The following KCNH1 variants were observed in gnomAD, a reference collection of about 807,000 sequenced individuals.
KCNH1 encodes potassium voltage-gated channel subfamily H member 1, also known as voltage-gated delayed rectifier potassium channel KCNH1.
In KCNH1, 27 loss-of-function variants were observed where a neutral mutation model predicts 69.2. The ratio of observed to expected loss-of-function variants is 0.39; its 90% CI spans 0.29 to 0.54. KCNH1 has a LOEUF of 0.54. Ranked by LOEUF, KCNH1 falls within the 20% of genes least tolerant of loss-of-function variation. The pLI is 0.68. For missense variants in KCNH1, 798 were observed against 1,261.6 expected (o/e 0.63, Z 5.57); for synonymous variants, 456 against 487.7 (o/e 0.93, Z 0.86).
intron 6 of KCNH1, among the ~76,000 whole-genome samples, chr1:210,996,765 G>A (rs1276156622): frequency 1.3e-5 from 2 of 152,186 alleles, no homozygotes; most frequent in African/African-American, 4.8e-5. Flanking sequence ...TTACAAGGTC[G>A]GGTACTCCTC....
intron 5 of KCNH1, among the ~76,000 whole-genome samples, chr1:211,026,376 C>CAAAAAAAAAAA (rs34132386): frequency 1.4e-5 from 1 of 72,690 alleles, no homozygotes; most frequent in Non-Finnish European, 3.0e-5. Context: ...GGAGTATAGA[C>CAAAAAAAAAAA]AAAAAAAAAA....
chr1:211,008,647 G>C (rs1689331500), intron 6 of KCNH1, among the ~76,000 whole-genome samples: 1 of 152,230 alleles, frequency 6.6e-6, no homozygotes, highest in South Asian at 2.1e-4. Flanking sequence ...TCAGAATAAT[G>C]GTTATTTCAG....
intron 9 of KCNH1, among the ~76,000 whole-genome samples, chr1:210,782,420 C>T (rs546577952): frequency 6.6e-6 from 1 of 152,086 alleles, no homozygotes; most frequent in Non-Finnish European, 1.5e-5. Context: ...AAGATGGAAC[C>T]TTTATGATTA....
At chr1:210,708,067 C>G (rs17016736) in intron 10 of KCNH1, among the ~76,000 whole-genome samples, 20,354 of 152,218 alleles carry the variant, frequency 0.13, 1,447 homozygotes, top group Middle Eastern at 0.19. Context: ...CATGGAGCAT[C>G]TTGTGTGTTT....
intron 1 of KCNH1, among the ~76,000 whole-genome samples, chr1:211,116,083 C>T (rs897257691): frequency 6.6e-6 from 1 of 152,108 alleles, no homozygotes; most frequent in African/African-American, 2.4e-5. Context: ...CTGCAGTGAG[C>T]TATGAGCATG....
intron 6 of KCNH1, among the ~76,000 whole-genome samples, chr1:210,959,337 A>G (rs1057427902): frequency 1.3e-5 from 2 of 152,164 alleles, no homozygotes; most frequent in Non-Finnish European, 2.9e-5. Flanking sequence ...GTCAGTCCCT[A>G]CTGGGAGGTG....
intron 10 of KCNH1, among the ~76,000 whole-genome samples, chr1:210,770,157 C>A (rs1435276133): frequency 9.1e-6 from 1 of 110,380 alleles, no homozygotes; most frequent in Non-Finnish European, 2.0e-5. Flanking sequence ...ACAATGAGAA[C>A]ACATGGACAC....
At chr1:210,827,284 C>T (rs560785088) in intron 7 of KCNH1, among the ~76,000 whole-genome samples, 1 of 151,910 alleles carries the variant, frequency 6.6e-6, no homozygotes, top group African/African-American at 2.4e-5. Context: ...TGCAGTGAGC[C>T]GAGATTGCGC....
At chr1:210,909,118 T>C (rs1687174867) in intron 7 of KCNH1, among the ~76,000 whole-genome samples, 1 of 152,240 alleles carries the variant, frequency 6.6e-6, no homozygotes, top group Admixed American at 6.5e-5. Flanking sequence ...AATGGAAACA[T>C]TTGTTAGTCT....
intron 1 of KCNH1, among the ~76,000 whole-genome samples, chr1:211,118,128 C>A (rs1691616864): frequency 6.6e-6 from 1 of 152,090 alleles, no homozygotes; most frequent in South Asian, 2.1e-4. Context: ...AATGAGTCAA[C>A]AATAGAAATA....
At chr1:210,840,746 G>A (rs1010818861) in intron 7 of KCNH1, among the ~76,000 whole-genome samples, 1 of 152,112 alleles carries the variant, frequency 6.6e-6, no homozygotes, top group Admixed American at 6.6e-5. Context: ...GCTTTCTGTG[G>A]AAGTTATCAT....
chr1:211,132,926 T>TG (rs1393609176), intron 1 of KCNH1: 9 of 152,300 alleles, frequency 5.9e-5, no homozygotes, highest in Admixed American at 3.9e-4. Context: ...AGTGCTTAGT[T>TG]GGGGTCTCTC....
intron 6 of KCNH1, among the ~76,000 whole-genome samples, chr1:211,016,099 C>T (rs925130223): frequency 6.6e-6 from 1 of 152,126 alleles, no homozygotes; most frequent in Non-Finnish European, 1.5e-5. Context: ...TCAGAAACCA[C>T]CATCAGGAGT....
chr1:210,739,509 A>C (rs1325387683), intron 10 of KCNH1, among the ~76,000 whole-genome samples: 2 of 152,200 alleles, frequency 1.3e-5, no homozygotes, highest in East Asian at 3.8e-4. Flanking sequence ...AAGTCCTCAG[A>C]GATGAAGCTA....
chr1:210,996,698 C>T (rs1689047949), intron 6 of KCNH1, among the ~76,000 whole-genome samples: 1 of 152,224 alleles, frequency 6.6e-6, no homozygotes, highest in Non-Finnish European at 1.5e-5. Flanking sequence ...CAAGTGGGTC[C>T]TTGACCCCTG....
chr1:210,722,274 G>T (rs572171446), intron 10 of KCNH1, among the ~76,000 whole-genome samples: 2 of 152,178 alleles, frequency 1.3e-5, no homozygotes, highest in African/African-American at 4.8e-5. Context: ...AAGGTATTTC[G>T]TAAAAGGGCT....
At chr1:210,979,263 C>T (rs1390631188) in intron 6 of KCNH1, among the ~76,000 whole-genome samples, 2 of 152,188 alleles carry the variant, frequency 1.3e-5, no homozygotes, top group African/African-American at 4.8e-5. Flanking sequence ...ACATCGGAAA[C>T]TCCCACTGTC....
At chr1:211,118,663 C>T (rs776972243) in intron 1 of KCNH1, among the ~76,000 whole-genome samples, 2 of 152,146 alleles carry the variant, frequency 1.3e-5, no homozygotes, top group Non-Finnish European at 1.5e-5. Flanking sequence ...AAAGTTTCTC[C>T]AACTGATGAG....
At chr1:211,087,237 TGTC>T (rs1690970181) in intron 4 of KCNH1, among the ~76,000 whole-genome samples, 1 of 152,228 alleles carries the variant, frequency 6.6e-6, no homozygotes, top group African/African-American at 2.4e-5. Context: ...GCATTCCTTT[TGTC>T]GTCTGTATTT....
Sources: allele counts gnomAD v4.1 joint callset (sites outside exome capture counted in the v4.1 genomes callset), GRCh38; gene constraint gnomAD v4.1.1; transcripts MANE v1.5; gene names NCBI Gene and HGNC (gene_info 2026-07-23, HGNC 2026-07-21).